Variants in TFEC observed in about 807,000 individuals in gnomAD.
TFEC encodes class E basic helix-loop-helix protein 34.
A neutral mutation model predicts 41.6 loss-of-function variants in TFEC; 31 were observed. The ratio of observed to expected loss-of-function variants is 0.74; its 90% CI spans 0.56 to 1.01. The LOEUF is 1.01. TFEC is among the 50% of genes least tolerant of loss of function. The pLI is 0.00. For synonymous variants in TFEC, 143 were observed against 140.6 expected (o/e 1.02, Z -0.12); for missense variants, 402 against 404.1 (o/e 0.99, Z 0.04).
intron 6 of TFEC, among the ~76,000 whole-genome samples, chr7:115,943,808 T>C (rs1793633396): frequency 6.6e-6 from 1 of 151,474 alleles, no homozygotes; most frequent in Non-Finnish European, 1.5e-5. Flanking sequence ...TCTTAAAATG[T>C]TGGTGGATTA....
At chr7:116,021,144 TTTTAA>T (rs1795380213) in intron 1 of TFEC, among the ~76,000 whole-genome samples, 1 of 152,230 alleles carries the variant, frequency 6.6e-6, no homozygotes, top group Admixed American at 6.5e-5. Flanking sequence ...AAGCATTTCC[TTTTAA>T]AAAGCCATGC....
intron 1 of TFEC, among the ~76,000 whole-genome samples, chr7:116,026,867 C>T (rs35220633): frequency 0.041 from 6,212 of 152,220 alleles, 169 homozygotes; most frequent in Non-Finnish European, 0.059. Flanking sequence ...ATGTGAAGGA[C>T]AATCATAAGC....
chr7:116,110,671 T>C, intron 3 of TFEC: 2 of 1,252,468 alleles, frequency 1.6e-6, no homozygotes, highest in Non-Finnish European at 2.1e-6. Context: ...CTATACTTAC[T>C]TAGAAATTAC....
At chr7:116,134,471 G>C (rs953618743) in intron 1 of TFEC, among the ~76,000 whole-genome samples, 1 of 152,106 alleles carries the variant, frequency 6.6e-6, no homozygotes, top group Non-Finnish European at 1.5e-5. Context: ...GCACAGAAAT[G>C]ACCTGTTTTC....
intron 1 of TFEC, among the ~76,000 whole-genome samples, chr7:116,014,744 C>T (rs987446049): frequency 6.6e-6 from 1 of 151,982 alleles, no homozygotes; most frequent in Non-Finnish European, 1.5e-5. Context: ...CCTGGATTAT[C>T]GTGCATGGCC....
chr7:116,013,504 A>G (rs531103456), intron 1 of TFEC, among the ~76,000 whole-genome samples: 3 of 152,118 alleles, frequency 2.0e-5, no homozygotes, highest in Non-Finnish European at 4.4e-5. Flanking sequence ...ATGCAAAACA[A>G]TAGCCACAGT....
intron 1 of TFEC, among the ~76,000 whole-genome samples, chr7:116,132,624 G>T (rs1330423706): frequency 6.6e-6 from 1 of 152,136 alleles, no homozygotes; most frequent in Non-Finnish European, 1.5e-5. Context: ...TTCATAAAAA[G>T]GCACATGCAA....
At chr7:115,981,724 CCAGA>C (rs1378401414) in intron 2 of TFEC, among the ~76,000 whole-genome samples, 1 of 152,128 alleles carries the variant, frequency 6.6e-6, no homozygotes, top group Non-Finnish European at 1.5e-5. Flanking sequence ...GGCGCTAAGC[CCAGA>C]CAGAGCATCA....
chr7:115,994,754 G>T (rs1794284571), intron 1 of TFEC, among the ~76,000 whole-genome samples: 1 of 152,212 alleles, frequency 6.6e-6, no homozygotes, highest in Non-Finnish European at 1.5e-5. Flanking sequence ...TGGTGGGACT[G>T]TAAACTAGTT....
At chr7:115,988,799 T>C (rs1221281252) in intron 1 of TFEC, among the ~76,000 whole-genome samples, 1 of 151,916 alleles carries the variant, frequency 6.6e-6, no homozygotes, top group East Asian at 1.9e-4. Flanking sequence ...TACCTGGGCA[T>C]AATATATTTG....
At chr7:115,941,073 A>G (rs1189838677) in intron 7 of TFEC, 142 bp from the exon 8 acceptor site, 4 of 808,622 alleles carry the variant, frequency 4.9e-6, no homozygotes, top group Admixed American at 3.4e-5. Flanking sequence ...AATCTTTGCA[A>G]ATAATGAAAT....
At chr7:115,948,263 A>C (rs1791718314) in intron 6 of TFEC, among the ~76,000 whole-genome samples, 1 of 151,860 alleles carries the variant, frequency 6.6e-6, no homozygotes, top group Admixed American at 6.6e-5. Context: ...GAATTCTACC[A>C]GAGGTACAAG....
chr7:116,153,261 G>A (rs985591939), intron 1 of TFEC, among the ~76,000 whole-genome samples: 45 of 102,682 alleles, frequency 4.4e-4, no homozygotes, highest in African/African-American at 1.4e-3. Context: ...GTTTCGTTTT[G>A]TTTTGTTTTT....
Position 115,942,021 on chromosome 7 carries a change from CT to C in TFEC, c.534del (p.Gly179GlufsTer4). ...TCCACTGATGCTTTTAGAATGGTTCCTTTGTTCCAGCGCATATCACTGTAGA... is the reference window on the plus strand; with the variant it reads ...TCCACTGATGCTTTTAGAATGGTTCCTTGTTCCAGCGCATATCACTGTAGA... ...KSNDPDMRWNKGTILKASVEY... is the reference protein window; with the variant it reads ...KSNDPDMRWNXGTILKASVEY... On this transcript the variant is annotated frameshift_variant, in exon 7 of 8. Transcript: ENST00000265440. LOFTEE classifies it high-confidence loss of function. 8 of 1,612,564 alleles carry C rather than the reference CT, an allele frequency of 5.0e-6. No individual in the cohort carries two copies. Among genetic ancestry groups the C allele is most frequent in the Non-Finnish European group, 6.8e-6 (8 of 1,179,084 alleles).
rs536963036 is a variant in TFEC at position 115,957,763 on chromosome 7, C to A, written c.268-970G>T. 2.0e-5 allele frequency among the ~76,000 whole-genome samples: 3 copies of A among 151,780 alleles called. No individual in the cohort carries two copies. The East Asian group carries it at 5.9e-4, about 30-fold the overall frequency. The stretch of plus-strand genomic sequence containing the variant: ...ACTAGGAATAAAACATATAATAAAA[C>A]AATGCTTTAACAAGTCTTCATGAAG... On this transcript the variant is annotated intron_variant, in intron 3 of 7. Coordinates refer to ENST00000265440, the MANE Select transcript of TFEC (RefSeq NM_012252.4).
chr7:116,034,693 C>CACACAG (rs1584430557), upstream of TFEC, among the ~76,000 whole-genome samples: 1 of 150,946 alleles, frequency 6.6e-6, no homozygotes, highest in East Asian at 1.9e-4. Flanking sequence ...TGCATACACA[C>CACACAG]ACACACACAC....
rs1797975888 is a variant in TFEC at position 116,115,829 on chromosome 7, T to TA, written c.-68-3792dup. Among the ~76,000 whole-genome samples the TA allele has an allele frequency of 3.9e-5, 6 of 151,964 alleles. No homozygotes were observed. In the South Asian group the frequency reaches 8.3e-4, roughly 21 times the overall value. On this transcript the variant is annotated intron_variant, in intron 1 of 8. Transcript: ENST00000484212. ...CCAGCTTGCTTGCTTCACAGACACT[T>TA]AGAGTGCTTTTTATATGCCGGATGT...
At chr7:115,983,745 T>G (rs1050488377) in intron 2 of TFEC, among the ~76,000 whole-genome samples, 1 of 152,118 alleles carries the variant, frequency 6.6e-6, no homozygotes, top group Non-Finnish European at 1.5e-5. Context: ...ATTTAGTAAA[T>G]AGTAGCCAAC....
intron 5 of TFEC, among the ~76,000 whole-genome samples, chr7:115,953,840 C>T (rs1177731832): frequency 6.6e-6 from 1 of 151,934 alleles, no homozygotes; most frequent in Admixed American, 6.6e-5. Context: ...TTTCAGCTAG[C>T]GATACATAAG....
Sources: gnomAD v4.1 joint callset for allele counts (sites outside exome capture counted in the v4.1 genomes callset) on GRCh38, gnomAD v4.1.1 for gene constraint, MANE v1.5 for transcripts, NCBI Gene and HGNC (gene_info 2026-07-23, HGNC 2026-07-21) for gene names.